Variants in COQ2 observed in about 807,000 individuals in gnomAD.
COQ2 encodes coenzyme Q2, polyprenyltransferase, also known as 4-hydroxybenzoate polyprenyltransferase, mitochondrial.
COQ2 carries 25 observed loss-of-function variants against 35.7 expected under a neutral mutation model. The ratio of observed to expected loss-of-function variants is 0.70; its 90% CI spans 0.51 to 0.98. The LOEUF (loss-of-function observed/expected upper bound fraction) is 0.98. Ranked by LOEUF, COQ2 falls within the 50% of genes least tolerant of loss-of-function variation. COQ2 has a pLI of 0.00. For missense variants in COQ2, 488 were observed against 473.5 expected, an observed-to-expected ratio of 1.03 and a Z score of -0.28; for synonymous variants, 206 against 186.2, an observed-to-expected ratio of 1.11 and a Z score of -0.86.
chr4:83,279,116 T>C lies in COQ2; in HGVS notation c.254-2A>G. On this transcript the variant is annotated splice_acceptor_variant, in intron 1 of 6. Transcript: ENST00000647002. LOFTEE classifies it high-confidence loss of function. ...ATGGTAAATACAGAAGCCAGGTTCC[T>C]AAGCAAAAATAAAAAGACAAAAAAG... The C allele has an allele frequency of 6.5e-7, 1 of 1,540,194 alleles. No individual in the cohort carries two copies. The highest frequency in any genetic ancestry group is 8.7e-7 in the Non-Finnish European group (1 of 1,147,910).
At chr4:83,265,150 G>A (rs1008665063) in intron 6 of COQ2, among the ~76,000 whole-genome samples, 4 of 152,178 alleles carry the variant, frequency 2.6e-5, no homozygotes, top group Admixed American at 2.0e-4. Context: ...TCTCACGTAT[G>A]TTCCTATCTT....
chr4:83,272,067 T>C lies in COQ2; in HGVS notation c.628+20A>G. ...GTTTGCAAATATCAAAGGAAATACT[T>C]TTAGTTATTGTAAGCTCACCCAAGG... On this transcript the variant is annotated intron_variant, in intron 4 of 6. Transcript: ENST00000647002. 1.3e-6 allele frequency: 2 copies of C among 1,502,778 alleles called. No homozygotes were observed. Among genetic ancestry groups the C allele is most frequent in the Non-Finnish European group, 9.2e-7 (1 of 1,090,690 alleles). 93.1% of individuals were successfully genotyped at this position (1,502,778 alleles called of 1,614,324 possible). A position where few individuals can be genotyped will look rare whatever the true frequency, so the allele number is the denominator to read the frequency against.
At chr4:83,271,273 G>A (rs1469523851) in intron 4 of COQ2, among the ~76,000 whole-genome samples, 2 of 152,150 alleles carry the variant, frequency 1.3e-5, no homozygotes, top group Admixed American at 6.5e-5. Context: ...GGCTCTCAAC[G>A]TATTCTTGGT....
intron 1 of COQ2, among the ~76,000 whole-genome samples, chr4:83,281,171 G>C (rs6817457): frequency 0.028 from 4,212 of 152,260 alleles, 208 homozygotes; most frequent in African/African-American, 0.095. Flanking sequence ...GTAAAACACA[G>C]TAGGTTTAAC....
intron 1 of COQ2, among the ~76,000 whole-genome samples, chr4:83,282,273 AAAG>A (rs1735342865): frequency 6.6e-6 from 1 of 152,214 alleles, no homozygotes; most frequent in African/African-American, 2.4e-5. Flanking sequence ...AGCCCATTTG[AAAG>A]AAGCTGTATT....
At chr4:83,273,698 A>G (rs923571950) in intron 2 of COQ2, 81 bp from the exon 3 acceptor site, 3 of 1,334,684 alleles carry the variant, frequency 2.2e-6, no homozygotes, top group Admixed American at 2.2e-5. Flanking sequence ...AGACTGGCCC[A>G]TGGTAGGCAC....
chr4:83,272,378 A>G (rs1441441993), intron 3 of COQ2, among the ~76,000 whole-genome samples: 1 of 152,238 alleles, frequency 6.6e-6, no homozygotes, highest in Non-Finnish European at 1.5e-5. Context: ...AAAACAATCA[A>G]ACAAAATAAT....
chr4:83,269,804 G>A (rs775216046), intron 5 of COQ2, 56 bp downstream of exon 5: 56 of 1,360,700 alleles, frequency 4.1e-5, no homozygotes, highest in Non-Finnish European at 5.5e-5. Context: ...TCCTTAATTT[G>A]GTTCTTTAAA....
Position 83,270,010 on chromosome 4 carries a change from A to G in COQ2, c.629-17T>C. The stretch of plus-strand genomic sequence containing the variant: ...ATGTCAAGCCTACAATTAGCAAAAC[A>G]CAAAAAGGGGGAAAGTCTGTATGTA... On this transcript the variant is annotated splice_polypyrimidine_tract_variant and intron_variant, in intron 4 of 6. Coordinates refer to ENST00000647002, the MANE Select transcript of COQ2 (RefSeq NM_001358921.2). 1.2e-6 allele frequency: 2 copies of G among 1,613,040 alleles called. No homozygotes were observed. The highest frequency in any genetic ancestry group is 1.7e-6 in the Non-Finnish European group (2 of 1,179,516).
Position 83,284,663 on chromosome 4 carries a change from C to T in COQ2, c.102G>A (p.Ala34=), listed in dbSNP as rs1313131410. Residue 34 remains alanine (A), a synonymous_variant, in exon 1 of 7, where the codon GCG becomes GCA. Coordinates refer to ENST00000647002, the MANE Select transcript of COQ2 (RefSeq NM_001358921.2). The part of the protein sequence containing the change: ...WRGRSFALAR[A]AGAPHGGDLQ... Reference sequence around the variant, plus strand: ...AGTCACCACCGTGGGGCGCGCCTGCCGCACGCGCCAGGGCGAAGGAGCGGC... The same window carrying T: ...AGTCACCACCGTGGGGCGCGCCTGCTGCACGCGCCAGGGCGAAGGAGCGGC... 6.9e-6 allele frequency: 10 copies of T among 1,450,352 alleles called. No individual in the cohort carries two copies. Among genetic ancestry groups the T allele is most frequent in the Non-Finnish European group, 9.0e-6 (10 of 1,107,330 alleles). The allele number at this position is 1,450,352 out of a possible 1,614,324, so 89.8% of individuals were successfully genotyped here.
intron 1 of COQ2, chr4:83,283,397 C>G: frequency 7.1e-6 from 7 of 985,398 alleles, no homozygotes; most frequent in Non-Finnish European, 8.4e-6. Flanking sequence ...TTTTCCACAC[C>G]CACTTGGTGT....
At position 83,284,773 on chromosome 4, in the gene COQ2, T is replaced by A; in HGVS notation, c.-9A>T. ...GCTCGCGAGCCCAGCATGGCGCTGG[T>A]GAGGCCGGGACGAGCTCGGATTGAC... On this transcript the variant is annotated 5_prime_UTR_variant, in exon 1 of 7. Coordinates refer to ENST00000647002, the MANE Select transcript of COQ2 (RefSeq NM_001358921.2). 1 of 1,558,304 alleles carries A rather than the reference T, an allele frequency of 6.4e-7. No individual in the cohort carries two copies. The highest frequency in any genetic ancestry group is 2.4e-5 in the East Asian group (1 of 41,360).
chr4:83,272,401 C>T (rs1327601537), intron 3 of COQ2, among the ~76,000 whole-genome samples: 1 of 152,132 alleles, frequency 6.6e-6, no homozygotes, highest in East Asian at 1.9e-4. Flanking sequence ...CTAACACATA[C>T]AGTACTATCA....
At chr4:83,282,874 T>C (rs1246000583) in intron 1 of COQ2, among the ~76,000 whole-genome samples, 4 of 152,210 alleles carry the variant, frequency 2.6e-5, no homozygotes, top group East Asian at 1.9e-4. Context: ...TTCTGTTACA[T>C]GGCGGAAGGT....
In COQ2 at chr4:83,281,051, A is replaced by T. The variant is rs1169061337; in HGVS notation, c.254-1937T>A. ...TAGTTCACTACAGCTTCTGACTTCC[A>T]GGCTCAAGCAATACTTCCACCTCAG... On this transcript the variant is annotated intron_variant, in intron 1 of 6. Coordinates refer to ENST00000647002, the MANE Select transcript of COQ2 (RefSeq NM_001358921.2). Among the ~76,000 whole-genome samples, 3 of 152,236 alleles carry T rather than the reference A, an allele frequency of 2.0e-5. No individual in the cohort carries two copies. The East Asian group carries it at 5.8e-4, about 29-fold the overall frequency.
chr4:83,282,036 A>C lies in COQ2; in HGVS notation c.253+2476T>G, dbSNP rs563988331. ...TGTGAAGAAAGACGCAGAGGTAGCAAAGACAAGAGACAAGTAGATTGCAAA... is the reference window on the plus strand; with the variant it reads ...TGTGAAGAAAGACGCAGAGGTAGCACAGACAAGAGACAAGTAGATTGCAAA... On this transcript the variant is annotated intron_variant, in intron 1 of 6. Transcript: ENST00000647002. Among the ~76,000 whole-genome samples the C allele has an allele frequency of 5.3e-5, 8 of 152,268 alleles. No individual in the cohort carries two copies. The East Asian group carries it at 1.5e-3, about 29-fold the overall frequency.
chr4:83,280,693 G>A (rs980241359), intron 1 of COQ2, among the ~76,000 whole-genome samples: 5 of 152,224 alleles, frequency 3.3e-5, no homozygotes, highest in Admixed American at 2.0e-4. Flanking sequence ...TAGGAGGAGG[G>A]AGAGAGGAAT....
intron 1 of COQ2, chr4:83,284,201 C>T: frequency 2.0e-6 from 2 of 985,466 alleles, no homozygotes; most frequent in South Asian, 9.4e-5. Flanking sequence ...TTATCTTGCC[C>T]GCTTCAGGTG....
At chr4:83,269,557 G>A (rs2126172260) in intron 5 of COQ2, among the ~76,000 whole-genome samples, 1 of 152,222 alleles carries the variant, frequency 6.6e-6, no homozygotes, top group East Asian at 1.9e-4. Context: ...GACTGTTGGG[G>A]GATTAAGTCT....
Sources: gnomAD v4.1 joint callset for allele counts (sites outside exome capture counted in the v4.1 genomes callset) on GRCh38, gnomAD v4.1.1 for gene constraint, MANE v1.5 for transcripts, NCBI Gene and HGNC (gene_info 2026-07-23, HGNC 2026-07-21) for gene names.